Variants in PLB1 observed in about 807,000 individuals in gnomAD.
The protein encoded by PLB1 is phospholipase B1, membrane-associated.
A neutral mutation model predicts 227.4 loss-of-function variants in PLB1; 242 were observed. The ratio of observed to expected loss-of-function variants is 1.06; its 90% CI spans 0.96 to 1.18. PLB1 has a LOEUF of 1.18. Among genes scored for constraint, PLB1 ranks in the 50% most tolerant of loss-of-function variants. The pLI is 0.00. For missense variants in PLB1, 1,858 were observed against 1,816.3 expected (o/e 1.02, Z -0.42); for synonymous variants, 757 against 682.2 (o/e 1.11, Z -1.71).
intron 39 of PLB1, among the ~76,000 whole-genome samples, chr2:28,603,763 C>T (rs956579548): frequency 6.6e-6 from 1 of 152,232 alleles, no homozygotes; most frequent in African/African-American, 2.4e-5. Flanking sequence ...CCCACACTGG[C>T]TCCCTCCCTC....
chr2:28,525,989 C>T, intron 6 of PLB1, 44 bp downstream of exon 6: 1 of 1,608,720 alleles, frequency 6.2e-7, no homozygotes, highest in Non-Finnish European at 8.5e-7. Context: ...TGCCCCTCTC[C>T]TTCCCAACAC....
At chr2:28,550,512 C>T (rs575265714) in intron 16 of PLB1, among the ~76,000 whole-genome samples, 2 of 148,288 alleles carry the variant, frequency 1.3e-5, no homozygotes, top group Admixed American at 6.8e-5. Flanking sequence ...GCCAGATTTG[C>T]AACCTCAATA....
rs1681539596 is a variant in PLB1, at chr2:28,589,685, C to T, written c.1931C>T (p.Pro644Leu). 1 of 1,614,084 alleles carries T rather than the reference C, an allele frequency of 6.2e-7. No individual in the cohort carries two copies. The highest frequency in any genetic ancestry group is 8.5e-7 in the Non-Finnish European group (1 of 1,180,012). ...VDMPKTSEGLPDNSFFAPDCF... is the reference protein window; with the variant it reads ...VDMPKTSEGLLDNSFFAPDCF... ...CTGCCCGGTGACCAGGAAGGATTGC[C>T]TGACAACTCTTTCTTCGCTCCTGAC... Residue 644 changes from proline to leucine, a missense_variant, in exon 28 of 58, where the codon CCT becomes CTT. Pro to Leu is a moderately conservative substitution (Grantham distance 98, BLOSUM62 -3). Transcript: ENST00000327757.
At chr2:28,629,243 G>C (rs772287638) in intron 53 of PLB1, 58 bp downstream of exon 53, 125 of 1,530,408 alleles carry the variant, frequency 8.2e-5, no homozygotes, top group Middle Eastern at 1.7e-4. Context: ...AGGGCTTGCA[G>C]GTGCCAAAGG....
rs190387130 is a variant in PLB1, at chr2:28,606,434, G to A, written c.3058-62G>A. 4.7e-4 allele frequency: 705 copies of A among 1,506,172 alleles called. 5 individuals carry two copies. In the African/African-American group the frequency reaches 7.6e-3, roughly 16 times the overall value. 93.3% of individuals were successfully genotyped at this position (1,506,172 alleles called of 1,614,324 possible). A position where few individuals can be genotyped will look rare whatever the true frequency, so the allele number is the denominator to read the frequency against. On this transcript the variant is annotated intron_variant, in intron 42 of 57. Transcript: ENST00000327757. ...TTCCCCACTGCAGGATTCTGCCAGG[G>A]AATGTTCACTTCCATGGAAACAAAC... is the stretch of plus-strand genomic sequence containing the variant.
rs1172929076 is a variant in PLB1, at chr2:28,524,516, T to TCC, written c.244-751_244-750insCC. Among the ~76,000 whole-genome samples the TCC allele has an allele frequency of 7.6e-3, 1,152 of 152,290 alleles. 14 individuals carry two copies. The highest frequency in any genetic ancestry group is 0.026 in the African/African-American group (1,070 of 41,548). On this transcript the variant is annotated intron_variant, in intron 4 of 57. Transcript: ENST00000327757. ...AAATATGGATTCAACATATATTTGT[T>TCC]AAATACTTACAACACACCCAGGCAC...
At chr2:28,607,391 G>A (rs551422293) in intron 43 of PLB1, among the ~76,000 whole-genome samples, 1 of 152,274 alleles carries the variant, frequency 6.6e-6, no homozygotes, top group East Asian at 1.9e-4. Context: ...AATCCTGAGA[G>A]AGTGGGCACC....
At chr2:28,604,562 G>A (rs763651427) in intron 40 of PLB1, 93 bp from the exon 41 acceptor site, 2 of 895,290 alleles carry the variant, frequency 2.2e-6, no homozygotes, top group Middle Eastern at 3.1e-4. Flanking sequence ...CCTCCATCCA[G>A]GGAGATGGAC....
intron 14 of PLB1, among the ~76,000 whole-genome samples, chr2:28,547,335 T>G (rs1199889162): frequency 1.3e-5 from 2 of 152,120 alleles, no homozygotes; most frequent in Non-Finnish European, 2.9e-5. Flanking sequence ...GGACCTTGTT[T>G]CTAGGAGCGG....
chr2:28,615,764 A>G (rs1686114435), intron 44 of PLB1, among the ~76,000 whole-genome samples: 1 of 152,242 alleles, frequency 6.6e-6, no homozygotes, highest in Admixed American at 6.5e-5. Context: ...GACAGTGGTG[A>G]GCCGAATGGG....
intron 25 of PLB1, chr2:28,585,548 A>G (rs1364346334): frequency 4.1e-6 from 2 of 491,164 alleles, no homozygotes; most frequent in South Asian, 2.2e-5. Context: ...AAGTGCTGGC[A>G]TTACAGGCGT....
In PLB1 at chr2:28,626,506, C is replaced by T. The variant is rs1321242089; in HGVS notation, c.3658C>T (p.Pro1220Ser). The change falls in exon 51 of 58, where the codon CCG becomes TCG. Residue 1220 changes from proline to serine, a missense_variant and splice_region_variant. Transcript: ENST00000327757. ...CGACTTGTGTCATTACTGTGAGAAT[C>T]CGGTAGGCCCCCGACCAACCCCATG... is the stretch of plus-strand genomic sequence containing the variant. Reference protein sequence around the residue: ...VNDLCHYCENPEAHLATEYVQ... With the variant: ...VNDLCHYCENSEAHLATEYVQ... The T allele has an allele frequency of 1.1e-5, 18 of 1,613,796 alleles. No homozygotes were observed. Among genetic ancestry groups the T allele is most frequent in the Non-Finnish European group, 1.4e-5 (17 of 1,179,686 alleles).
At chr2:28,507,261 T>C (rs1488556150) in intron 1 of PLB1, among the ~76,000 whole-genome samples, 1 of 152,188 alleles carries the variant, frequency 6.6e-6, no homozygotes, top group Admixed American at 6.5e-5. Flanking sequence ...TGTCTTAGTC[T>C]GTAGTGTGCT....
chr2:28,498,868 A>G (rs967336379), intron 1 of PLB1, among the ~76,000 whole-genome samples: 4 of 152,166 alleles, frequency 2.6e-5, no homozygotes, highest in South Asian at 2.1e-4. Context: ...CAGCTTGGCA[A>G]TTTCCACTGG....
chr2:28,575,885 T>G lies in PLB1; in HGVS notation c.1434-2222T>G, dbSNP rs1484783518. ...TGTTTTATGATGAATTCTGAGGCTT[T>G]CTTTTCCTTTTGATGGGGATAGGAT... On this transcript the variant is annotated intron_variant, in intron 21 of 57. Transcript: ENST00000327757. Among the ~76,000 whole-genome samples, 3 of 152,194 alleles carry G rather than the reference T, an allele frequency of 2.0e-5. No individual in the cohort carries two copies. In the South Asian group the frequency reaches 6.2e-4, roughly 31 times the overall value.
In PLB1 at chr2:28,525,249, A is replaced by G. The variant is rs572096775; in HGVS notation, c.244-18A>G. Reference sequence around the variant, plus strand: ...CCACCTCCCCTGGCTGGGTGTTAACATTGAGTATCTATTCCAGCCTCCAGA... The same window carrying G: ...CCACCTCCCCTGGCTGGGTGTTAACGTTGAGTATCTATTCCAGCCTCCAGA... On this transcript the variant is annotated intron_variant, in intron 4 of 57. Coordinates refer to ENST00000327757, the MANE Select transcript of PLB1 (RefSeq NM_153021.5). 2.5e-6 allele frequency: 4 copies of G among 1,612,554 alleles called. No homozygotes were observed. The highest frequency in any genetic ancestry group is 1.7e-5 in the Admixed American group (1 of 59,944).
chr2:28,604,807 CA>C (rs1684431114), intron 41 of PLB1, 48 bp downstream of exon 41: 1 of 1,535,654 alleles, frequency 6.5e-7, no homozygotes. Flanking sequence ...GGAAGAAATG[CA>C]AGGCAGAATT....
chr2:28,625,035 C>CCT, intron 49 of PLB1, 22 bp from the exon 50 acceptor site: 1 of 1,612,184 alleles, frequency 6.2e-7, no homozygotes, highest in East Asian at 2.2e-5. Context: ...CACTAACGCC[C>CCT]CTCTCTCTAC....
intron 29 of PLB1, 36 bp downstream of exon 29, chr2:28,590,112 G>A (rs1303895786): frequency 1.9e-6 from 3 of 1,548,500 alleles, no homozygotes; most frequent in Non-Finnish European, 1.8e-6. Flanking sequence ...GGCTCCGGCT[G>A]CACTGGGCTT....
Sources: allele counts gnomAD v4.1 joint callset (sites outside exome capture counted in the v4.1 genomes callset), GRCh38; gene constraint gnomAD v4.1.1; transcripts MANE v1.5; gene names NCBI Gene and HGNC (gene_info 2026-07-23, HGNC 2026-07-21).